The following XRN2 variants were observed in gnomAD, a reference collection of about 807,000 sequenced individuals.
XRN2 encodes 5'-3' exoribonuclease 2, also known as DHM1-like protein.
Under a neutral mutation model 138.5 loss-of-function variants are expected in XRN2, and 44 were observed. That is an observed-to-expected ratio of 0.32 (90% CI 0.25 to 0.41). The LOEUF (loss-of-function observed/expected upper bound fraction) is 0.41, where lower values mean the gene tolerates loss of function less well. Among genes scored for constraint, XRN2 ranks in the 10% least tolerant of loss-of-function variants. The pLI is 1.00. For synonymous variants in XRN2, 354 were observed against 369.4 expected (o/e 0.96, Z 0.48); for missense variants, 937 against 1,169.3 (o/e 0.80, Z 2.90).
intron 20 of XRN2, among the ~76,000 whole-genome samples, chr20:21,352,897 T>C (rs2038526989): frequency 1.3e-5 from 2 of 151,978 alleles, no homozygotes; most frequent in Admixed American, 1.3e-4. Flanking sequence ...AGATAATGCA[T>C]GTAACATAAG....
intron 20 of XRN2, 94 bp from the exon 21 acceptor site, chr20:21,354,695 A>G (rs1437865786): frequency 6.0e-6 from 7 of 1,171,856 alleles, no homozygotes; most frequent in Admixed American, 4.0e-5. Flanking sequence ...ATCAGCAAGG[A>G]AACTCTACTA....
chr20:21,361,606 G>A (rs2038637742), intron 24 of XRN2, among the ~76,000 whole-genome samples: 1 of 152,074 alleles, frequency 6.6e-6, no homozygotes, highest in Admixed American at 6.6e-5. Flanking sequence ...CTTTACCTCA[G>A]TGTTACTTAC....
At chr20:21,371,375 G>A (rs1290094276) in intron 27 of XRN2, among the ~76,000 whole-genome samples, 2 of 152,154 alleles carry the variant, frequency 1.3e-5, no homozygotes, top group African/African-American at 4.8e-5. Flanking sequence ...ACATTGAGTG[G>A]AGCTTTGTGA....
At chr20:21,346,270 A>T in intron 16 of XRN2, 145 bp from the exon 17 acceptor site, 2 of 1,057,398 alleles carry the variant, frequency 1.9e-6, no homozygotes, top group Non-Finnish European at 2.7e-6. Context: ...AGAAATAGTT[A>T]AATGAATCTG....
chr20:21,377,264 C>CTTTTTTTTTTTTTTTTTTTTTCTT (rs761622310), intron 27 of XRN2, among the ~76,000 whole-genome samples: 1 of 82,782 alleles, frequency 1.2e-5, no homozygotes, highest in African/African-American at 5.4e-5. Flanking sequence ...TCGGTTTTTT[C>CTTTTTTTTTTTTTTTTTTTTTCTT]TTTTTTTTTT....
At chr20:21,380,536 G>A (rs937801025) in intron 27 of XRN2, among the ~76,000 whole-genome samples, 13 of 152,206 alleles carry the variant, frequency 8.5e-5, no homozygotes. Flanking sequence ...TCTGGGCGTA[G>A]GGTGGGGAAC....
chr20:21,362,500 G>A (rs2038648794), intron 24 of XRN2, among the ~76,000 whole-genome samples: 3 of 152,136 alleles, frequency 2.0e-5, no homozygotes, highest in African/African-American at 4.8e-5. Flanking sequence ...CATCCAAGAT[G>A]TGTGTCGAAG....
chr20:21,303,375 C>G lies in XRN2; in HGVS notation c.-24C>G. 1 of 1,542,562 alleles carries G rather than the reference C, an allele frequency of 6.5e-7. No individual in the cohort carries two copies. Among genetic ancestry groups the G allele is most frequent in the Non-Finnish European group, 8.7e-7 (1 of 1,144,228 alleles). On this transcript the variant is annotated 5_prime_UTR_variant, in exon 1 of 30. Coordinates refer to ENST00000377191, the MANE Select transcript of XRN2 (RefSeq NM_012255.5). ...TGGTTACGCTCGTCAGCCGGTCGGC[C>G]GCCGCCTCCAGCCGTGTGCCGCTAT...
Position 21,332,459 on chromosome 20 carries a change from T to C in XRN2, c.858+19T>C, listed in dbSNP as rs1415658691. 1 of 1,528,432 alleles carries C rather than the reference T, an allele frequency of 6.5e-7. No homozygotes were observed. The highest frequency in any genetic ancestry group is 8.7e-7 in the Non-Finnish European group (1 of 1,144,996). 94.7% of individuals were successfully genotyped at this position (1,528,432 alleles called of 1,614,324 possible). A position where few individuals can be genotyped will look rare whatever the true frequency, so the allele number is the denominator to read the frequency against. Reference sequence around the variant, plus strand: ...GGGAAAGGTAAGAACTTTGAGATGGTAGTTGCCTCATTAAAAAAAAAAATC... The same window carrying C: ...GGGAAAGGTAAGAACTTTGAGATGGCAGTTGCCTCATTAAAAAAAAAAATC... On this transcript the variant is annotated intron_variant, in intron 9 of 29. Transcript: ENST00000377191.
At chr20:21,328,961 A>T (rs1023729398) in intron 4 of XRN2, among the ~76,000 whole-genome samples, 2 of 152,082 alleles carry the variant, frequency 1.3e-5, no homozygotes, top group African/African-American at 2.4e-5. Context: ...ACAAACTTTT[A>T]TGTCTCTGTA....
At chr20:21,316,353 A>G (rs2037959015) in intron 1 of XRN2, among the ~76,000 whole-genome samples, 1 of 152,220 alleles carries the variant, frequency 6.6e-6, no homozygotes, top group African/African-American at 2.4e-5. Flanking sequence ...CATATCTAAG[A>G]ATTCCATTGC....
chr20:21,328,346 C>T (rs527357200), intron 3 of XRN2, among the ~76,000 whole-genome samples: 2 of 152,328 alleles, frequency 1.3e-5, no homozygotes, highest in African/African-American at 2.4e-5. Flanking sequence ...TGACGTGGCA[C>T]TCATTCACCT....
chr20:21,311,996 A>G (rs568506459), intron 1 of XRN2, among the ~76,000 whole-genome samples: 1 of 152,290 alleles, frequency 6.6e-6, no homozygotes, highest in South Asian at 2.1e-4. Flanking sequence ...CTCTGTCTCA[A>G]AAGACAAAAA....
Position 21,333,982 on chromosome 20 carries a change from A to G in XRN2, c.1113A>G (p.Val371=). 2 of 1,614,156 alleles carry G rather than the reference A, an allele frequency of 1.2e-6. No homozygotes were observed. The highest frequency in any genetic ancestry group is 1.7e-6 in the Non-Finnish European group (2 of 1,180,004). The change falls in exon 12 of 30, where the codon GTA becomes GTG. Residue 371 remains valine, a synonymous_variant. Transcript: ENST00000377191. ...DRLVNIYKNV[V]HKTGGYLTES... ...TGGTTAACATATACAAAAATGTGGT[A>G]CACAAAACTGGGGTAAGTTCATTCT...
chr20:21,363,298 G>A (rs772311017), intron 24 of XRN2, among the ~76,000 whole-genome samples: 2 of 151,974 alleles, frequency 1.3e-5, no homozygotes, highest in South Asian at 2.1e-4. Flanking sequence ...ACCGTGAACC[G>A]TGCATGCGAT....
At chr20:21,318,979 A>G (rs1400157176) in intron 1 of XRN2, among the ~76,000 whole-genome samples, 1 of 151,982 alleles carries the variant, frequency 6.6e-6, no homozygotes. Flanking sequence ...GTTTTGTTCT[A>G]TTATTGAAGG....
intron 28 of XRN2, among the ~76,000 whole-genome samples, chr20:21,386,077 T>C (rs1232925477): frequency 1.3e-5 from 2 of 152,252 alleles, no homozygotes; most frequent in South Asian, 2.1e-4. Context: ...AGTTTTTAAT[T>C]AAGTTATGAT....
chr20:21,348,298 T>A, intron 18 of XRN2, 43 bp from the exon 19 acceptor site: 5 of 1,612,292 alleles, frequency 3.1e-6, no homozygotes, highest in Non-Finnish European at 4.2e-6. Context: ...GAATTCTGGA[T>A]TAGATAATAA....
At position 21,365,626 on chromosome 20, in the gene XRN2, G is replaced by A. The variant is rs1166398620; in HGVS notation, c.2378G>A (p.Arg793Gln). The A allele has an allele frequency of 5.0e-6, 8 of 1,613,126 alleles. No individual in the cohort carries two copies. The African/African-American group carries it at 5.4e-5, about 11-fold the overall frequency. ...PSDWEKSSNG[R>Q]QWKPQLGFNR... ...GACTGGGAAAAATCCAGCAATGGAC[G>A]GCAGTGGAAGCCTCAGCTTGGCTTT... Residue 793 changes from arginine to glutamine, a missense_variant, in exon 26 of 30, where the codon CGG becomes CAG. By Grantham distance (43) the Arg-to-Gln change is conservative (BLOSUM62 1). Around this residue, in one of 6 missense-constraint regions of XRN2, gnomAD observed 372 missense variants for 414.4 expected, o/e 0.90. Coordinates refer to ENST00000377191, the MANE Select transcript of XRN2 (RefSeq NM_012255.5).
Sources: gnomAD v4.1 joint callset for allele counts (sites outside exome capture counted in the v4.1 genomes callset) on GRCh38, gnomAD v4.1.1 for gene constraint, gnomAD v4.1.1 regional missense constraint, MANE v1.5 for transcripts, NCBI Gene and HGNC (gene_info 2026-07-23, HGNC 2026-07-21) for gene names.